The following SPATA13 variants were observed in gnomAD, a reference collection of about 807,000 sequenced individuals.
The protein encoded by SPATA13 is spermatogenesis-associated protein 13.
In SPATA13, 50 loss-of-function variants were observed where a neutral mutation model predicts 104.0. The observed-to-expected ratio is 0.48, with a 90% confidence interval of 0.38 to 0.61. SPATA13 has a LOEUF of 0.61. Among genes scored for constraint, SPATA13 ranks in the 20% least tolerant of loss-of-function variants. The probability of loss-of-function intolerance (pLI) is 0.00; values close to 1 mark genes in which losing one functional copy is unlikely to be tolerated. For synonymous variants in SPATA13, 606 were observed against 667.5 expected, an observed-to-expected ratio of 0.91 and a Z score of 1.42; for missense variants, 1,524 against 1,690.6, an observed-to-expected ratio of 0.90 and a Z score of 1.73.
chr13:24,000,975 A>G (rs115422182), intron 2 of SPATA13, among the ~76,000 whole-genome samples: 5,812 of 152,144 alleles, frequency 0.038, 368 homozygotes, highest in African/African-American at 0.13. Context: ...GTAACATAGC[A>G]CCACTGTTTT....
At chr13:24,151,412 T>C (rs1371830350) in intron 3 of SPATA13, among the ~76,000 whole-genome samples, 1 of 152,350 alleles carries the variant, frequency 6.6e-6, no homozygotes, top group East Asian at 1.9e-4. Flanking sequence ...AAGTGAAATA[T>C]GCAACACAGT....
In SPATA13 at chr13:24,161,542, A is replaced by G. The variant is rs932968434; in HGVS notation, c.-112+610A>G. 4.0e-4 allele frequency among the ~76,000 whole-genome samples: 61 copies of G among 152,164 alleles called. No individual in the cohort carries two copies. Among genetic ancestry groups the G allele is most frequent in the Non-Finnish European group, 8.1e-4 (55 of 68,010 alleles). Reference sequence around the variant, plus strand: ...GAGTTGGTTTGGTCCCATTCTGTGCAGGAGGTGGGGGAATTGGTACTCCAG... The same window carrying G: ...GAGTTGGTTTGGTCCCATTCTGTGCGGGAGGTGGGGGAATTGGTACTCCAG... On this transcript the variant is annotated intron_variant, in intron 1 of 12. Transcript: ENST00000382108. This position sits in a 1 kb window ranked among gnomAD's most constrained non-coding sequence, Gnocchi z 4.5.
At chr13:24,062,999 A>C (rs1358720884) in intron 3 of SPATA13, among the ~76,000 whole-genome samples, 1 of 152,106 alleles carries the variant, frequency 6.6e-6, no homozygotes, top group Non-Finnish European at 1.5e-5. Flanking sequence ...GACTCAGGAC[A>C]AGGGACACAC....
At position 24,177,054 on chromosome 13, in the gene SPATA13, C is replaced by T. The variant is rs548650594; in HGVS notation, c.-112+16122C>T. On this transcript the variant is annotated intron_variant, in intron 1 of 12. Coordinates refer to ENST00000382108, the MANE Select transcript of SPATA13 (RefSeq NM_001166271.3). ...TGCTGGGATTACAGGCACGAGCTGC[C>T]GCACCCAGCCTGTAGTATATACTTT... 9.9e-5 allele frequency among the ~76,000 whole-genome samples: 15 copies of T among 152,194 alleles called. 1 individual carries two copies. The South Asian group carries it at 1.5e-3, about 15-fold the overall frequency.
chr13:24,198,929 C>T (rs1023887870), intron 1 of SPATA13, among the ~76,000 whole-genome samples: 1 of 148,690 alleles, frequency 6.7e-6, no homozygotes, highest in African/African-American at 2.5e-5. Flanking sequence ...ATATATATTA[C>T]ATATTCTTAG....
intron 2 of SPATA13, among the ~76,000 whole-genome samples, chr13:24,241,193 GTTA>G (rs1347030965): frequency 6.6e-6 from 1 of 152,194 alleles, no homozygotes; most frequent in Non-Finnish European, 1.5e-5. Context: ...GTAGCCCAGA[GTTA>G]TTATTTATTT....
intron 1 of SPATA13, among the ~76,000 whole-genome samples, chr13:24,163,840 A>G (rs1033922794): frequency 2.0e-5 from 3 of 152,208 alleles, no homozygotes; most frequent in Non-Finnish European, 2.9e-5. Flanking sequence ...GCTGGAAGCA[A>G]CAAAGTTTCT....
chr13:24,002,637 T>C lies in SPATA13; in HGVS notation c.-146-15030T>C, dbSNP rs1420228217. Among the ~76,000 whole-genome samples, 3 of 152,206 alleles carry C rather than the reference T, an allele frequency of 2.0e-5. No homozygotes were observed. In the East Asian group the frequency reaches 5.8e-4, roughly 29 times the overall value. On this transcript the variant is annotated intron_variant, in intron 2 of 14. Coordinates refer to the SPATA13 transcript ENST00000424834. The stretch of plus-strand genomic sequence containing the variant: ...TGCAGGAGCTTCACGAATTCACCAG[T>C]TCCTGGAGTCTCCTTGGAATAGGAC...
At chr13:24,107,049 G>T (rs1298206700) in intron 3 of SPATA13, among the ~76,000 whole-genome samples, 2 of 150,620 alleles carry the variant, frequency 1.3e-5, no homozygotes, top group Non-Finnish European at 3.0e-5. Context: ...AAGATGATAA[G>T]GACGGGGAAA....
At chr13:24,139,140 G>A (rs116094216) in intron 3 of SPATA13, among the ~76,000 whole-genome samples, 285 of 152,212 alleles carry the variant, frequency 1.9e-3, no homozygotes, top group African/African-American at 6.5e-3. Flanking sequence ...AATCCTTGCT[G>A]TTCCTGGGTC....
At chr13:24,234,890 G>A (rs1381826022) in intron 2 of SPATA13, among the ~76,000 whole-genome samples, 1 of 152,194 alleles carries the variant, frequency 6.6e-6, no homozygotes, top group Non-Finnish European at 1.5e-5. Flanking sequence ...GTTCTGCTGA[G>A]TTCTGTCCTA....
intron 2 of SPATA13, among the ~76,000 whole-genome samples, chr13:24,232,787 G>A (rs1447749116): frequency 1.3e-5 from 2 of 152,186 alleles, no homozygotes; most frequent in Non-Finnish European, 2.9e-5. Flanking sequence ...GAGCTCAAGT[G>A]GTCTGCCTGC....
intron 3 of SPATA13, among the ~76,000 whole-genome samples, chr13:24,098,774 A>G (rs1318826886): frequency 2.0e-5 from 3 of 151,814 alleles, no homozygotes; most frequent in African/African-American, 7.3e-5. Flanking sequence ...TAAAAACACA[A>G]AAATTAGCTG....
chr13:24,277,348 G>A (rs1032964627), intron 4 of SPATA13, among the ~76,000 whole-genome samples: 4 of 151,308 alleles, frequency 2.6e-5, no homozygotes, highest in Non-Finnish European at 5.9e-5. Flanking sequence ...GGAGGCTGAG[G>A]CAGGAGAATG....
chr13:24,208,355 A>C (rs1216915010), intron 1 of SPATA13, among the ~76,000 whole-genome samples: 3 of 152,216 alleles, frequency 2.0e-5, no homozygotes, highest in African/African-American at 7.2e-5. Context: ...TCCAATTCCA[A>C]GTTGCACCAC....
intron 3 of SPATA13, among the ~76,000 whole-genome samples, chr13:24,027,669 A>C (rs1380495419): frequency 6.6e-6 from 1 of 152,148 alleles, no homozygotes; most frequent in Non-Finnish European, 1.5e-5. Flanking sequence ...TAGTATAAGC[A>C]AATAAGCCTC....
chr13:24,025,409 C>T (rs2137706820), intron 3 of SPATA13, among the ~76,000 whole-genome samples: 1 of 152,200 alleles, frequency 6.6e-6, no homozygotes, highest in South Asian at 2.1e-4. Context: ...CCAGTTGTAA[C>T]TATTACAAAA....
rs1879204593 is a variant in SPATA13, at chr13:24,072,667, C to A, written c.-112+54966C>A. ...TCATTGAATCTGCCTTCTGGGCCAT[C>A]ACCAGTGACCTGCTTGCCAAACCAG... On this transcript the variant is annotated intron_variant, in intron 3 of 14. Transcript: ENST00000424834. 2.0e-5 allele frequency among the ~76,000 whole-genome samples: 3 copies of A among 152,124 alleles called. No individual in the cohort carries two copies. In the South Asian group the frequency reaches 6.2e-4, roughly 32 times the overall value.
intron 3 of SPATA13, among the ~76,000 whole-genome samples, chr13:24,065,342 A>G (rs553953688): frequency 6.6e-6 from 1 of 152,134 alleles, no homozygotes; most frequent in African/African-American, 2.4e-5. Flanking sequence ...GAGGGGTAGC[A>G]GATGGGAGGC....
Sources: gnomAD v4.1 joint callset for allele counts (sites outside exome capture counted in the v4.1 genomes callset) on GRCh38, gnomAD v4.1.1 for gene constraint, Gnocchi (gnomAD v3.1) non-coding constraint, MANE v1.5 for transcripts, NCBI Gene and HGNC (gene_info 2026-07-23, HGNC 2026-07-21) for gene names.